Variants in NINJ2 observed in about 807,000 individuals in gnomAD.
The protein encoded by NINJ2 is ninjurin-2.
A neutral mutation model predicts 11.7 loss-of-function variants in NINJ2; 12 were observed. The ratio of observed to expected loss-of-function variants is 1.02; its 90% CI spans 0.66 to 1.66. The LOEUF is 1.66. NINJ2 is among the 40% of genes most tolerant of loss of function. The pLI is 0.00. For missense variants in NINJ2, 187 were observed against 181.8 expected (o/e 1.03, Z -0.16); for synonymous variants, 93 against 76.8 (o/e 1.21, Z -1.10).
intron 1 of NINJ2, among the ~76,000 whole-genome samples, chr12:596,253 AC>A (rs1219530224): frequency 1.3e-5 from 2 of 152,260 alleles, no homozygotes; most frequent in African/African-American, 4.8e-5. Context: ...CTTGGAAGCT[AC>A]CAAAATGAAA....
At chr12:583,257 G>A (rs191637415) in intron 1 of NINJ2, among the ~76,000 whole-genome samples, 5 of 152,356 alleles carry the variant, frequency 3.3e-5, no homozygotes, top group Non-Finnish European at 7.3e-5. Context: ...AGGCAGGCAT[G>A]CTAGTCCTGC....
intron 1 of NINJ2, among the ~76,000 whole-genome samples, chr12:637,599 C>T (rs1948368178): frequency 6.6e-6 from 1 of 151,256 alleles, no homozygotes; most frequent in South Asian, 2.1e-4. Flanking sequence ...CAAGATTGTA[C>T]CACTGCACTC....
chr12:623,026 A>T (rs1416122309), intron 1 of NINJ2, among the ~76,000 whole-genome samples: 3 of 152,192 alleles, frequency 2.0e-5, no homozygotes, highest in Non-Finnish European at 4.4e-5. Context: ...AATGTCCCAT[A>T]TCCCAAAATG....
intron 1 of NINJ2, among the ~76,000 whole-genome samples, chr12:603,604 T>G (rs1223152644): frequency 6.6e-6 from 1 of 152,244 alleles, no homozygotes; most frequent in African/African-American, 2.4e-5. Flanking sequence ...AGTCCAACTT[T>G]ATTCTTTTCC....
intron 1 of NINJ2, among the ~76,000 whole-genome samples, chr12:634,262 G>GTTTTTTTTTTT (rs1565643231): frequency 2.6e-5 from 2 of 75,622 alleles, no homozygotes; most frequent in East Asian, 5.5e-4. Context: ...ATTAGTTGCA[G>GTTTTTTTTTTT]TTCTTTTTTT....
chr12:663,272 TC>T, intron 1 of NINJ2, 55 bp downstream of exon 1: 1 of 1,520,944 alleles, frequency 6.6e-7, no homozygotes, highest in Non-Finnish European at 9.0e-7. Flanking sequence ...CCTCTGTTCT[TC>T]CAGCTTCACC....
At chr12:648,996 G>GTCTATCTATCTATCTATCTATCTATCTA (rs4017978) in intron 1 of NINJ2, among the ~76,000 whole-genome samples, 7 of 148,912 alleles carry the variant, frequency 4.7e-5, no homozygotes, top group African/African-American at 1.7e-4. Context: ...CTATCTATCT[G>GTCTATCTATCTATCTATCTATCTATCTA]TCTATCTATC....
At position 626,915 on chromosome 12, in the gene NINJ2, G is replaced by C. The variant is rs547332855; in HGVS notation, c.33+36413C>G. The stretch of plus-strand genomic sequence containing the variant: ...AGCCCGGGCAGCATAGTGAGATCCT[G>C]TCTCTACAAAAATTAAAAGAGTACG... On this transcript the variant is annotated intron_variant, in intron 1 of 3. Transcript: ENST00000305108. 1.3e-3 allele frequency among the ~76,000 whole-genome samples: 203 copies of C among 152,196 alleles called. 1 individual carries two copies. Among genetic ancestry groups the C allele is most frequent in the African/African-American group, 4.7e-3 (197 of 41,522 alleles).
chr12:622,757 T>G (rs1948168813), intron 1 of NINJ2, among the ~76,000 whole-genome samples: 1 of 152,126 alleles, frequency 6.6e-6, no homozygotes, highest in African/African-American at 2.4e-5. Flanking sequence ...TCACCCTAAA[T>G]GCAGTCACAC....
intron 1 of NINJ2, among the ~76,000 whole-genome samples, chr12:589,941 C>T (rs936540736): frequency 1.3e-5 from 2 of 152,094 alleles, no homozygotes; most frequent in Non-Finnish European, 2.9e-5. Flanking sequence ...TGTCAGGACC[C>T]AAGGGGTCCT....
At chr12:589,555 C>T (rs999985276) in intron 1 of NINJ2, 2 of 152,170 alleles carry the variant, frequency 1.3e-5, no homozygotes, top group Middle Eastern at 3.2e-3. Flanking sequence ...AACCAGAGAA[C>T]CTGCTAGACA....
In NINJ2 at chr12:633,811, TAAA is replaced by T. The variant is rs907830144; in HGVS notation, c.33+29514_33+29516del. 6.6e-6 allele frequency among the ~76,000 whole-genome samples: 1 copy of T among 151,896 alleles called. No homozygotes were observed. The highest frequency in any genetic ancestry group is 6.6e-5 in the Admixed American group (1 of 15,242). On this transcript the variant is annotated intron_variant, in intron 1 of 3. Transcript: ENST00000305108. This position sits in a 1 kb window ranked among gnomAD's most constrained non-coding sequence, Gnocchi z 4.3. The stretch of plus-strand genomic sequence containing the variant: ...TCCTGGGTAACAGAGTGAGATTGTG[TAAA>T]AAAAACAAACCACTTTAGAGTTTTC...
intron 1 of NINJ2, among the ~76,000 whole-genome samples, chr12:620,760 G>A (rs1948144615): frequency 6.6e-6 from 1 of 152,200 alleles, no homozygotes; most frequent in Non-Finnish European, 1.5e-5. Flanking sequence ...CTCCGGAGTA[G>A]CTGGGATTAC....
At chr12:610,980 T>C (rs1458476472) in intron 1 of NINJ2, among the ~76,000 whole-genome samples, 1 of 151,820 alleles carries the variant, frequency 6.6e-6, no homozygotes, top group East Asian at 1.9e-4. Context: ...GGTGATCCAC[T>C]TGCCTCAACC....
chr12:638,341 C>T (rs1379380192), intron 1 of NINJ2, among the ~76,000 whole-genome samples: 7 of 152,236 alleles, frequency 4.6e-5, no homozygotes, highest in South Asian at 2.1e-4. Context: ...TATATGCATA[C>T]GTTGTGTTGT....
chr12:643,463 G>T (rs1393166226), intron 1 of NINJ2: 1 of 988,160 alleles, frequency 1.0e-6, no homozygotes, highest in African/African-American at 1.7e-5. Context: ...AGGGGAGAAG[G>T]GAAGAAAGAC....
chr12:643,329 C>T, intron 1 of NINJ2: 1 of 638,214 alleles, frequency 1.6e-6, no homozygotes, highest in Non-Finnish European at 2.0e-6. Context: ...AGCCTCGCAG[C>T]CCCGCGCCGG....
intron 1 of NINJ2, among the ~76,000 whole-genome samples, chr12:597,159 C>T (rs746708453): frequency 3.3e-5 from 5 of 152,250 alleles, no homozygotes; most frequent in Admixed American, 1.3e-4. Flanking sequence ...CGAAACACTA[C>T]GTGGTTGGTA....
intron 1 of NINJ2, among the ~76,000 whole-genome samples, chr12:621,875 T>G (rs1162276372): frequency 2.0e-5 from 3 of 151,258 alleles, no homozygotes; most frequent in Non-Finnish European, 4.4e-5. Flanking sequence ...GGCTCACACC[T>G]GTAATCCCAG....
Sources: allele counts gnomAD v4.1 joint callset (sites outside exome capture counted in the v4.1 genomes callset), GRCh38; gene constraint gnomAD v4.1.1; non-coding constraint Gnocchi (gnomAD v3.1); transcripts MANE v1.5; gene names NCBI Gene and HGNC (gene_info 2026-07-23, HGNC 2026-07-21).